SHQ1: variants seen among roughly 807,000 people sequenced by gnomAD.
SHQ1 encodes the protein SHQ1, H/ACA ribonucleoprotein assembly factor, also known as protein SHQ1 homolog.
Under a neutral mutation model 53.8 loss-of-function variants are expected in SHQ1, and 49 were observed. That is an observed-to-expected ratio of 0.91 (90% CI 0.72 to 1.16). The LOEUF (loss-of-function observed/expected upper bound fraction) is 1.16. Among genes scored for constraint, SHQ1 ranks in the 50% most tolerant of loss-of-function variants. The pLI is 0.00. For synonymous variants in SHQ1, 243 were observed against 251.0 expected (o/e 0.97, Z 0.30); for missense variants, 738 against 683.1 (o/e 1.08, Z -0.90).
intron 10 of SHQ1, among the ~76,000 whole-genome samples, chr3:72,765,557 A>ATATATATTTTT (rs1491527508): frequency 1.4e-4 from 8 of 57,190 alleles, no homozygotes; most frequent in African/African-American, 5.6e-4. Flanking sequence ...ATATATATAT[A>ATATATATTTTT]TTTTTTTTTT....
chr3:72,734,506 T>A, the SHQ1 span, among the ~76,000 whole-genome samples: 1 of 151,428 alleles, frequency 6.6e-6, no homozygotes, highest in South Asian at 2.1e-4. Context: ...TCCGCCCACC[T>A]CAGCCTCCCA....
chr3:72,803,179 A>C (rs1461910716), intron 9 of SHQ1, among the ~76,000 whole-genome samples: 1 of 152,224 alleles, frequency 6.6e-6, no homozygotes, highest in Non-Finnish European at 1.5e-5. Context: ...TATGGCTCTT[A>C]CAGTGTGATT....
In SHQ1 at chr3:72,822,376, G is replaced by A. The variant is rs80348198; in HGVS notation, c.727+2048C>T. Among the ~76,000 whole-genome samples the A allele has an allele frequency of 5.5e-3, 840 of 152,316 alleles. 10 individuals are homozygous for A. The highest frequency in any genetic ancestry group is 0.02 in the African/African-American group (811 of 41,560). ...TCATGGGTCAGATGAAGGGTCAGGA[G>A]GGCAGGTGGTTAAAAGGACTGAGTG... is the stretch of plus-strand genomic sequence containing the variant. On this transcript the variant is annotated intron_variant, in intron 6 of 10. Coordinates refer to ENST00000325599, the MANE Select transcript of SHQ1 (RefSeq NM_018130.3).
chr3:72,765,530 C>CATATATATATATATATATAT (rs10551107), intron 10 of SHQ1, among the ~76,000 whole-genome samples: 4 of 83,508 alleles, frequency 4.8e-5, no homozygotes, highest in African/African-American at 2.5e-4. Flanking sequence ...ATTCACATGA[C>CATATATATATATATATATAT]ATATATATAT....
intron 9 of SHQ1, among the ~76,000 whole-genome samples, chr3:72,795,900 C>A (rs556776841): frequency 6.6e-6 from 1 of 151,734 alleles, no homozygotes; most frequent in Non-Finnish European, 1.5e-5. Flanking sequence ...GTCAGAAGTT[C>A]GAGACCAGCT....
At chr3:72,787,904 C>T (rs540333560) in intron 10 of SHQ1, among the ~76,000 whole-genome samples, 1 of 152,330 alleles carries the variant, frequency 6.6e-6, no homozygotes, top group East Asian at 1.9e-4. Context: ...TTGGTGCAGA[C>T]GGGGTTTCGC....
intron 9 of SHQ1, among the ~76,000 whole-genome samples, chr3:72,808,064 C>T (rs900545637): frequency 2.6e-5 from 4 of 152,076 alleles, no homozygotes; most frequent in Admixed American, 1.3e-4. Context: ...CAATTGTATA[C>T]GTTTTTCTTA....
Position 72,750,151 on chromosome 3 carries a change from G to T in SHQ1, c.*133C>A. ...TGATCTGCAGTTGGTTGAATCCACA[G>T]ATGTGGAACACACAAATACAGTGGG... On this transcript the variant is annotated 3_prime_UTR_variant, in exon 11 of 11. Coordinates refer to ENST00000325599, the MANE Select transcript of SHQ1 (RefSeq NM_018130.3). 2 of 773,836 alleles carry T rather than the reference G, an allele frequency of 2.6e-6. No homozygotes were observed. Among genetic ancestry groups the T allele is most frequent in the Non-Finnish European group, 4.1e-6 (2 of 482,882 alleles). 47.9% of individuals were successfully genotyped at this position (773,836 alleles called of 1,614,324 possible).
At chr3:72,841,303 T>C in intron 3 of SHQ1, 104 bp from the exon 4 acceptor site, 1 of 813,982 alleles carries the variant, frequency 1.2e-6, no homozygotes, top group South Asian at 2.1e-5. Context: ...CCAAAAGACA[T>C]ATACCAAATG....
intron 9 of SHQ1, chr3:72,793,293 G>A: frequency 3.6e-6 from 1 of 276,130 alleles, no homozygotes; most frequent in Non-Finnish European, 6.8e-6. Flanking sequence ...AGATCACGAG[G>A]TCAGGAGATC....
chr3:72,768,592 C>T (rs1705782827), intron 10 of SHQ1, among the ~76,000 whole-genome samples: 1 of 152,162 alleles, frequency 6.6e-6, no homozygotes, highest in African/African-American at 2.4e-5. Flanking sequence ...ATAAGCCTTA[C>T]TTATGCATTT....
chr3:72,808,118 T>C (rs1320469673), intron 9 of SHQ1, among the ~76,000 whole-genome samples: 1 of 152,166 alleles, frequency 6.6e-6, no homozygotes, highest in African/African-American at 2.4e-5. Context: ...ATAGAAATCA[T>C]GTTTTCCACA....
intron 10 of SHQ1, among the ~76,000 whole-genome samples, chr3:72,788,170 C>T (rs11924125): frequency 0.02 from 3,024 of 151,632 alleles, 107 homozygotes; most frequent in African/African-American, 0.071. Flanking sequence ...TCTGCCTGGC[C>T]GCCCATCGTC....
intron 4 of SHQ1, among the ~76,000 whole-genome samples, chr3:72,837,004 C>T (rs1708020326): frequency 6.6e-6 from 1 of 152,148 alleles, no homozygotes; most frequent in South Asian, 2.1e-4. Context: ...CCCTGTGTAG[C>T]CAAAAGGACA....
At chr3:72,846,099 G>T in intron 1 of SHQ1, 1 of 985,678 alleles carries the variant, frequency 1.0e-6, no homozygotes, top group Non-Finnish European at 1.5e-6. Context: ...GAGCTTAGTG[G>T]CCGGCACAAC....
chr3:72,812,432 T>C (rs1003837257), intron 9 of SHQ1, among the ~76,000 whole-genome samples: 2 of 152,240 alleles, frequency 1.3e-5, no homozygotes, highest in African/African-American at 4.8e-5. Flanking sequence ...CAATACTATG[T>C]GTGCCTTCTC....
chr3:72,830,360 T>C (rs1323932194), intron 5 of SHQ1, among the ~76,000 whole-genome samples: 2 of 152,000 alleles, frequency 1.3e-5, no homozygotes, highest in Non-Finnish European at 2.9e-5. Flanking sequence ...ATAGGTAATA[T>C]TATGCTAATC....
At chr3:72,774,825 G>A (rs9875874) in intron 10 of SHQ1, among the ~76,000 whole-genome samples, 3,078 of 152,220 alleles carry the variant, frequency 0.02, 109 homozygotes, top group African/African-American at 0.072. Flanking sequence ...GATCAAGAGC[G>A]TGAAATGGGC....
the SHQ1 span, among the ~76,000 whole-genome samples, chr3:72,727,222 G>C: frequency 1.3e-5 from 2 of 152,130 alleles, no homozygotes; most frequent in East Asian, 3.9e-4. Context: ...AATGCCAAGG[G>C]GGGTTTGAGG....
Sources: gnomAD v4.1 joint callset for allele counts (sites outside exome capture counted in the v4.1 genomes callset) on GRCh38, gnomAD v4.1.1 for gene constraint, MANE v1.5 for transcripts, NCBI Gene and HGNC (gene_info 2026-07-23, HGNC 2026-07-21) for gene names.